ZNF823: variants seen among roughly 807,000 people sequenced by gnomAD.
ZNF823 encodes the protein zinc finger protein 823, also known as ZFP 36 for a zinc finger protein.
ZNF823 carries 5 observed loss-of-function variants against 11.4 expected under a neutral mutation model. The ratio of observed to expected loss-of-function variants is 0.44; its 90% CI spans 0.23 to 0.92. ZNF823 has a LOEUF of 0.92. ZNF823 is among the 40% of genes least tolerant of loss of function. ZNF823 has a pLI of 0.24. For synonymous variants in ZNF823, 234 were observed against 250.5 expected (o/e 0.93, Z 0.62); for missense variants, 582 against 738.5 (o/e 0.79, Z 2.46).
At chr19:11,728,700 T>C (rs1056441874) in intron 1 of ZNF823, among the ~76,000 whole-genome samples, 1 of 152,130 alleles carries the variant, frequency 6.6e-6, no homozygotes, top group Admixed American at 6.5e-5. Flanking sequence ...AATAGAATCA[T>C]ATAGAATGCT....
intron 1 of ZNF823, among the ~76,000 whole-genome samples, chr19:11,738,605 G>A (rs1041035572): frequency 2.6e-5 from 4 of 152,250 alleles, no homozygotes; most frequent in African/African-American, 9.6e-5. Context: ...CGCAGCGGCC[G>A]AGCAGGGACG....
At position 11,738,889 on chromosome 19, in the gene ZNF823, T is replaced by C. The variant is rs1340546138; in HGVS notation, c.-70A>G. The stretch of plus-strand genomic sequence containing the variant: ...TGGGTCCCAGCGCGACAGACGCTGA[T>C]ACAGACCTTCCAGGGCGTCTCTCTC... On this transcript the variant is annotated 5_prime_UTR_variant, in exon 1 of 4. Coordinates refer to ENST00000341191, the MANE Select transcript of ZNF823 (RefSeq NM_001080493.4). The C allele has an allele frequency of 6.4e-7, 1 of 1,565,234 alleles. No homozygotes were observed. The highest frequency in any genetic ancestry group is 8.7e-7 in the Non-Finnish European group (1 of 1,155,100).
chr19:11,738,276 C>T (rs1975032041), intron 1 of ZNF823, among the ~76,000 whole-genome samples: 1 of 152,170 alleles, frequency 6.6e-6, no homozygotes, highest in African/African-American at 2.4e-5. Flanking sequence ...AGGCTGAAGA[C>T]CCCACAAGGG....
chr19:11,730,080 C>T (rs1280242769), intron 1 of ZNF823, among the ~76,000 whole-genome samples: 1 of 152,090 alleles, frequency 6.6e-6, no homozygotes, highest in Non-Finnish European at 1.5e-5. Context: ...AGGCCTGTGC[C>T]ATCATGCCCA....
rs1974689504 is a variant in ZNF823, at chr19:11,721,956, T to C, written c.1578A>G (p.Pro526=). ...VHERIHSGEK[P]YECKECGKAF... ...CTTTTCCACATTCCTTACATTCATA[T>C]GGCTTCTCTCCAGAGTGAATCCTTT... is the stretch of plus-strand genomic sequence containing the variant. The change falls in exon 4 of 4, where the codon CCA becomes CCG. Residue 526 remains proline, a synonymous_variant. Transcript: ENST00000341191. The C allele has an allele frequency of 6.2e-7, 1 of 1,614,168 alleles. No homozygotes were observed. Among genetic ancestry groups the C allele is most frequent in the Non-Finnish European group, 8.5e-7 (1 of 1,180,020 alleles).
At chr19:11,730,895 C>CA (rs1233290669) in intron 1 of ZNF823, 1 of 146,224 alleles carries the variant, frequency 6.8e-6, no homozygotes, top group East Asian at 2.0e-4. Context: ...CAAAGTCCAG[C>CA]AAAAATGAAA....
chr19:11,730,338 T>C (rs1012590304), intron 1 of ZNF823: 3 of 152,170 alleles, frequency 2.0e-5, no homozygotes, highest in African/African-American at 7.2e-5. Context: ...ATCCCAATAC[T>C]CTGGGAGGTT....
At chr19:11,724,827 TG>T (rs1281103677) in intron 2 of ZNF823, among the ~76,000 whole-genome samples, 2 of 152,146 alleles carry the variant, frequency 1.3e-5, no homozygotes, top group Non-Finnish European at 2.9e-5. Flanking sequence ...CCCAAAGTGC[TG>T]GGATTACAGG....
chr19:11,733,175 T>C lies in ZNF823; in HGVS notation c.3+5642A>G, dbSNP rs182443914. Among the ~76,000 whole-genome samples the C allele has an allele frequency of 2.0e-5, 3 of 151,938 alleles. No individual in the cohort carries two copies. The East Asian group carries it at 5.9e-4, about 30-fold the overall frequency. The stretch of plus-strand genomic sequence containing the variant: ...TGAGGTCAAGAGATCAAGACCATGC[T>C]GGCCAACATGGTGAAACCCCGTCTC... On this transcript the variant is annotated intron_variant, in intron 1 of 3. Transcript: ENST00000341191.
chr19:11,735,290 A>C (rs1974974767), intron 1 of ZNF823, among the ~76,000 whole-genome samples: 2 of 151,628 alleles, frequency 1.3e-5, no homozygotes, highest in South Asian at 2.1e-4. Flanking sequence ...ACAAAAAAAA[A>C]AAAAAAAAAA....
intron 1 of ZNF823, among the ~76,000 whole-genome samples, chr19:11,729,063 T>C (rs995932868): frequency 1.3e-5 from 2 of 151,720 alleles, no homozygotes; most frequent in Non-Finnish European, 2.9e-5. Flanking sequence ...TAATCTCAGC[T>C]ACTTGGGAGG....
At chr19:11,726,890 G>A (rs1403706479) in intron 1 of ZNF823, among the ~76,000 whole-genome samples, 2 of 152,130 alleles carry the variant, frequency 1.3e-5, no homozygotes, top group Non-Finnish European at 2.9e-5. Flanking sequence ...CTTGTTACAT[G>A]GGATATTTAG....
intron 1 of ZNF823, among the ~76,000 whole-genome samples, chr19:11,733,487 G>A (rs1248630527): frequency 1.3e-5 from 2 of 151,942 alleles, no homozygotes; most frequent in African/African-American, 4.8e-5. Context: ...AATCATCTGA[G>A]GTCAGGAGTT....
Position 11,725,332 on chromosome 19 carries a change from A to G in ZNF823, c.4-5T>C. On this transcript the variant is annotated splice_region_variant and splice_polypyrimidine_tract_variant and intron_variant, in intron 1 of 3. Transcript: ENST00000341191. ...ATCTTCAAAGGCCACTGAGTCCTGAAACATCCCACATGTGCAGAGGAGGAA... is the reference window on the plus strand; with the variant it reads ...ATCTTCAAAGGCCACTGAGTCCTGAGACATCCCACATGTGCAGAGGAGGAA... 1 of 1,613,700 alleles carries G rather than the reference A, an allele frequency of 6.2e-7. No homozygotes were observed. Among genetic ancestry groups the G allele is most frequent in the East Asian group, 2.2e-5 (1 of 44,872 alleles).
At position 11,725,459 on chromosome 19, in the gene ZNF823, A is replaced by C. The variant is rs896639733; in HGVS notation, c.4-132T>G. ...TCGATGACATAGTAAACCCACTCTT[A>C]TTTTGTCTACACTCACTTTTTCCCA... On this transcript the variant is annotated intron_variant, in intron 1 of 3. Transcript: ENST00000341191. 18 of 1,299,686 alleles carry C rather than the reference A, an allele frequency of 1.4e-5. No individual in the cohort carries two copies. The South Asian group carries it at 2.3e-4, about 17-fold the overall frequency. 80.5% of individuals were successfully genotyped at this position (1,299,686 alleles called of 1,614,324 possible).
intron 1 of ZNF823, among the ~76,000 whole-genome samples, chr19:11,731,791 C>A (rs575954047): frequency 1.6e-3 from 239 of 152,238 alleles, no homozygotes; most frequent in African/African-American, 5.4e-3. Flanking sequence ...AGGTGGATCA[C>A]CTGAGGTCAG....
chr19:11,734,386 C>T (rs922247542), intron 1 of ZNF823, among the ~76,000 whole-genome samples: 1 of 152,166 alleles, frequency 6.6e-6, no homozygotes, highest in African/African-American at 2.4e-5. Flanking sequence ...GTAACAAGAC[C>T]AAAAACCCCA....
At chr19:11,732,226 A>G (rs1171187211) in intron 1 of ZNF823, among the ~76,000 whole-genome samples, 9 of 140,548 alleles carry the variant, frequency 6.4e-5, no homozygotes, top group Admixed American at 1.5e-4. Flanking sequence ...GTGCAGTGGT[A>G]TGATCTCGGC....
intron 1 of ZNF823, 98 bp downstream of exon 1, chr19:11,738,719 A>G: frequency 7.0e-7 from 1 of 1,437,738 alleles, no homozygotes; most frequent in South Asian, 1.4e-5. Flanking sequence ...CAGACCCCGG[A>G]GTCGCCCAGG....
Sources: gnomAD v4.1 joint callset for allele counts (sites outside exome capture counted in the v4.1 genomes callset) on GRCh38, gnomAD v4.1.1 for gene constraint, MANE v1.5 for transcripts, NCBI Gene and HGNC (gene_info 2026-07-23, HGNC 2026-07-21) for gene names.